Variants in VWF observed in about 807,000 individuals in gnomAD.
VWF encodes the protein von Willebrand factor.
In VWF, 176 loss-of-function variants were observed where a neutral mutation model predicts 308.6. That is an observed-to-expected ratio of 0.57 (90% confidence interval 0.50 to 0.65). VWF has a LOEUF of 0.65. Ranked by LOEUF, VWF falls within the 30% of genes least tolerant of loss-of-function variation. The probability of loss-of-function intolerance (pLI) is 0.00; values close to 1 mark genes in which losing one functional copy is unlikely to be tolerated. For missense variants in VWF, 3,146 were observed against 3,648.2 expected (o/e 0.86, Z 3.55); for synonymous variants, 1,385 against 1,443.4 (o/e 0.96, Z 0.92).
intron 34 of VWF, among the ~76,000 whole-genome samples, chr12:6,009,989 G>A (rs2094425439): frequency 6.6e-6 from 1 of 152,152 alleles, no homozygotes; most frequent in African/African-American, 2.4e-5. Flanking sequence ...GGGAAAATGG[G>A]AAGTTGCTGT....
chr12:5,970,103 A>G (rs1186067474), intron 44 of VWF, among the ~76,000 whole-genome samples: 5 of 151,926 alleles, frequency 3.3e-5, no homozygotes, highest in African/African-American at 1.2e-4. Context: ...AATGCCAAAC[A>G]CTTGCAGCCA....
chr12:5,995,193 CTTCT>C (rs1469347334), intron 35 of VWF, among the ~76,000 whole-genome samples: 3 of 152,176 alleles, frequency 2.0e-5, no homozygotes, highest in African/African-American at 7.2e-5. Context: ...CACTTTAAGT[CTTCT>C]TTGTGTGTAT....
At chr12:6,014,495 A>ACT (rs1289323444) in intron 31 of VWF, among the ~76,000 whole-genome samples, 3 of 152,112 alleles carry the variant, frequency 2.0e-5, no homozygotes, top group African/African-American at 7.2e-5. Flanking sequence ...GGGAGGTGTG[A>ACT]CTCTCGAAGT....
rs4021574 is a variant in VWF, at chr12:6,020,742, C to T, written c.3675-999G>A. On this transcript the variant is annotated intron_variant, in intron 27 of 51. Transcript: ENST00000261405. The surrounding 1 kb of genome is among the most constrained non-coding windows in gnomAD (Gnocchi z 4.3). ...CCCAGTAAAGCTGACAAGGCGGCAG[C>T]GCCCTGAGCCTGGGAAGTGTCCCCC... Among the ~76,000 whole-genome samples, 11 of 152,236 alleles carry T rather than the reference C, an allele frequency of 7.2e-5. No individual in the cohort carries two copies. Among genetic ancestry groups the T allele is most frequent in the Non-Finnish European group, 1.5e-4 (10 of 68,042 alleles).
rs1314686139 is a variant in VWF at position 6,036,481 on chromosome 12, T to C, written c.2453A>G (p.Glu818Gly). ...CLCPPGMVRH[E>G]NRCVALERCP... The stretch of plus-strand genomic sequence containing the variant: ...CCTTTCCAGGGCCACACATCTGTTC[T>C]CATGCCGGACCTAAGAGAAAAGAAT... Residue 818 changes from glutamate (E) to glycine (G), a missense_variant, in exon 19 of 52, where the codon GAG becomes GGG. Physicochemically the swap from Glu to Gly is moderately conservative, Grantham distance 98 (BLOSUM62 -2). Coordinates refer to ENST00000261405, the MANE Select transcript of VWF (RefSeq NM_000552.5). 6.2e-7 allele frequency: 1 copy of C among 1,614,056 alleles called. No individual in the cohort carries two copies. The highest frequency in any genetic ancestry group is 8.5e-7 in the Non-Finnish European group (1 of 1,180,024).
rs760242174 is a variant in VWF at position 6,034,720 on chromosome 12, A to C, written c.2653T>G (p.Phe885Val). The C allele has an allele frequency of 1.2e-6, 2 of 1,613,964 alleles. No individual in the cohort carries two copies. The highest frequency in any genetic ancestry group is 1.7e-6 in the Non-Finnish European group (2 of 1,179,978). ...YLTFDGLKYL[F>V]PGECQYVLVQ... The stretch of plus-strand genomic sequence containing the variant: ...AGAACGTACTGGCACTCCCCGGGGA[A>C]CAGGTATTTGAGCCCGTCGAAGGTG... Residue 885 changes from phenylalanine to valine, a missense_variant, in exon 20 of 52, where the codon TTC becomes GTC. This residue lies in a region of VWF where 1,304 missense variants were observed against 1,353.0 expected (regional missense o/e 0.96). Coordinates refer to ENST00000261405, the MANE Select transcript of VWF (RefSeq NM_000552.5).
At chr12:5,998,145 C>T (rs892105623) in intron 34 of VWF, among the ~76,000 whole-genome samples, 2 of 151,890 alleles carry the variant, frequency 1.3e-5, no homozygotes, top group Non-Finnish European at 2.9e-5. Flanking sequence ...GTTAGCAAAA[C>T]ACAAATGTTC....
At chr12:5,983,978 A>AGATG (rs1943644576) in intron 40 of VWF, among the ~76,000 whole-genome samples, 2 of 102,280 alleles carry the variant, frequency 2.0e-5, no homozygotes, top group East Asian at 4.0e-4. Flanking sequence ...ATAGATGGAT[A>AGATG]GATAGATAGA....
intron 45 of VWF, among the ~76,000 whole-genome samples, chr12:5,968,488 G>T (rs932993054): frequency 6.6e-6 from 1 of 152,172 alleles, no homozygotes; most frequent in Admixed American, 6.5e-5. Context: ...CGCTACTCTT[G>T]AAAATTTCAG....
chr12:6,082,761 C>T (rs1231579465), intron 6 of VWF, among the ~76,000 whole-genome samples: 1 of 152,252 alleles, frequency 6.6e-6, no homozygotes, highest in East Asian at 1.9e-4. Flanking sequence ...TGTTCTGATT[C>T]GGGGGCTGCC....
chr12:6,031,444 CTCCCCG>C lies in VWF; in HGVS notation c.2814_2819del (p.Asp938_Gly939del). ...AGGGTGGAGATGAGGCTGCACTTAC[CTCCCCG>C]TCAAACAGCTCAATCTCTCCTCCCT... On this transcript the variant is annotated inframe_deletion and splice_region_variant, in exon 21 of 52. Transcript: ENST00000261405. 1 of 1,614,114 alleles carries C rather than the reference CTCCCCG, an allele frequency of 6.2e-7. No homozygotes were observed. Among genetic ancestry groups the C allele is most frequent in the Non-Finnish European group, 8.5e-7 (1 of 1,180,028 alleles).
chr12:6,116,576 C>G (rs1945369104), intron 3 of VWF, among the ~76,000 whole-genome samples: 1 of 152,216 alleles, frequency 6.6e-6, no homozygotes, highest in South Asian at 2.1e-4. Flanking sequence ...TGATGGCTCT[C>G]TCTTGGCAGG....
chr12:6,061,601 A>T (rs1165725229), intron 13 of VWF, among the ~76,000 whole-genome samples: 4 of 152,026 alleles, frequency 2.6e-5, no homozygotes, highest in African/African-American at 9.7e-5. Flanking sequence ...TGCCCCTGCC[A>T]CCCAGGATTA....
rs890160395 is a variant in VWF at position 5,996,831 on chromosome 12, C to A, written c.5843-609G>T. ...GAGTCATTCACATAATTGGCAAATT[C>A]TCAAGATTCCTATTAAAACATTATT... On this transcript the variant is annotated intron_variant, in intron 34 of 51. Transcript: ENST00000261405. Among the ~76,000 whole-genome samples, 17 of 151,184 alleles carry A rather than the reference C, an allele frequency of 1.1e-4. No homozygotes were observed. In the South Asian group the frequency reaches 1.7e-3, roughly 15 times the overall value.
At chr12:5,951,533 C>G (rs1943190960) in intron 50 of VWF, among the ~76,000 whole-genome samples, 1 of 152,078 alleles carries the variant, frequency 6.6e-6, no homozygotes, top group South Asian at 2.1e-4. Context: ...AATCAAAGAT[C>G]CTATGAGGGA....
Position 5,995,919 on chromosome 12 carries a change from A to G in VWF, c.6063+83T>C, listed in dbSNP as rs1042489987. ...GGCAGAGCTCCTAACAAGAGCATCA[A>G]CTAAAAGCAACTGCCACCAGGTCCA... On this transcript the variant is annotated intron_variant, in intron 35 of 51. Coordinates refer to ENST00000261405, the MANE Select transcript of VWF (RefSeq NM_000552.5). The G allele has an allele frequency of 7.4e-6, 10 of 1,357,016 alleles. No homozygotes were observed. In the African/African-American group the frequency reaches 1.4e-4, roughly 19 times the overall value. 84.1% of individuals were successfully genotyped at this position (1,357,016 alleles called of 1,614,324 possible).
At chr12:5,969,066 A>G in intron 45 of VWF, 145 bp downstream of exon 45, 1 of 895,250 alleles carries the variant, frequency 1.1e-6, no homozygotes, top group Non-Finnish European at 1.7e-6. Context: ...GCTTTCTCAT[A>G]AAAGCAGTAG....
At chr12:6,064,498 A>G (rs747691725) in intron 11 of VWF, 114 bp from the exon 12 acceptor site, 23 of 1,464,276 alleles carry the variant, frequency 1.6e-5, no homozygotes, top group Non-Finnish European at 1.8e-5. Context: ...TGGCCTTCTC[A>G]TAACCTACAA....
At chr12:6,062,876 A>G in intron 13 of VWF, 78 bp downstream of exon 13, 1 of 1,218,630 alleles carries the variant, frequency 8.2e-7, no homozygotes, top group Non-Finnish European at 1.2e-6. Context: ...CACCACACAA[A>G]GCCATTCTAC....
Sources: allele counts gnomAD v4.1 joint callset (sites outside exome capture counted in the v4.1 genomes callset), GRCh38; gene constraint gnomAD v4.1.1; regional missense constraint gnomAD v4.1.1; non-coding constraint Gnocchi (gnomAD v3.1); transcripts MANE v1.5; gene names NCBI Gene and HGNC (gene_info 2026-07-23, HGNC 2026-07-21).